Variants in ANKLE2 observed in about 807,000 individuals in gnomAD.
ANKLE2 encodes ankyrin repeat and LEM domain containing 2, also known as ankyrin repeat and LEM domain-containing protein 2.
ANKLE2 carries 55 observed loss-of-function variants against 84.2 expected under a neutral mutation model. The ratio of observed to expected loss-of-function variants is 0.65; its 90% CI spans 0.53 to 0.82. The LOEUF (loss-of-function observed/expected upper bound fraction) is 0.82. Among genes scored for constraint, ANKLE2 ranks in the 40% least tolerant of loss-of-function variants. ANKLE2 has a pLI of 0.00. For synonymous variants in ANKLE2, 551 were observed against 486.1 expected, an observed-to-expected ratio of 1.13 and a Z score of -1.76; for missense variants, 1,238 against 1,201.9, an observed-to-expected ratio of 1.03 and a Z score of -0.44.
chr12:132,728,000 T>C, intron 12 of ANKLE2, 32 bp downstream of exon 12: 3 of 1,574,400 alleles, frequency 1.9e-6, no homozygotes, highest in Non-Finnish European at 2.6e-6. Flanking sequence ...AAAGCTGCCC[T>C]GCGGGTGACA....
chr12:132,748,845 C>T (rs1237338646), intron 3 of ANKLE2: 5 of 152,612 alleles, frequency 3.3e-5, no homozygotes, highest in East Asian at 1.9e-4. Flanking sequence ...TATGCCAACA[C>T]GCCTGGCTTA....
Position 132,755,055 on chromosome 12 carries a change from G to A in ANKLE2, c.260C>T (p.Ala87Val), listed in dbSNP as rs746364153. The change falls in exon 2 of 13, where the codon GCC becomes GTC. Residue 87 changes from alanine (A) to valine (V), a missense_variant. By Grantham distance (64) the Ala-to-Val change is moderately conservative. Coordinates refer to ENST00000357997, the MANE Select transcript of ANKLE2 (RefSeq NM_015114.3). ...TGTAATGGGTCCACATTTCAATCCG[G>A]CTTTGACGATTTCTTCTCTAAGGTC... is the stretch of plus-strand genomic sequence containing the variant. ...PDDLREEIVK[A>V]GLKCGPITST... is the part of the protein sequence containing the mutation. 2 of 1,613,968 alleles carry A rather than the reference G, an allele frequency of 1.2e-6. No individual in the cohort carries two copies. The highest frequency in any genetic ancestry group is 2.2e-5 in the South Asian group (2 of 91,086).
At chr12:132,753,359 C>T (rs962687361) in intron 2 of ANKLE2, among the ~76,000 whole-genome samples, 15 of 151,812 alleles carry the variant, frequency 9.9e-5, no homozygotes, top group African/African-American at 3.6e-4. Flanking sequence ...ATTAGCTAGG[C>T]GTGCTGGTGT....
intron 7 of ANKLE2, among the ~76,000 whole-genome samples, chr12:132,739,600 T>C (rs886127885): frequency 1.3e-5 from 2 of 152,224 alleles, no homozygotes; most frequent in African/African-American, 4.8e-5. Context: ...ACAATTTCTG[T>C]CTACAGATGG....
intron 2 of ANKLE2, among the ~76,000 whole-genome samples, chr12:132,752,651 G>T (rs2044381238): frequency 6.6e-6 from 1 of 152,076 alleles, no homozygotes; most frequent in Non-Finnish European, 1.5e-5. Context: ...TTACAGGCGT[G>T]AGCCACCGCG....
Position 132,750,664 on chromosome 12 carries a change from A to G in ANKLE2, c.826T>C (p.Phe276Leu), listed in dbSNP as rs1362965956. The change falls in exon 3 of 13, where the codon TTT (phenylalanine) becomes CTT (leucine). Residue 276 changes from phenylalanine (F) to leucine (L), a missense_variant. Physicochemically the swap from Phe to Leu is conservative, Grantham distance 22. Coordinates refer to ENST00000357997, the MANE Select transcript of ANKLE2 (RefSeq NM_015114.3). ...PLSPVKTAPL[F>L]SNDRLKDGLC... ...TTACCTTTCAACCTGTCATTGCTAA[A>G]GAGTGGAGCTGTTTTCACAGGAGAC... is the stretch of plus-strand genomic sequence containing the variant. 1.2e-6 allele frequency: 2 copies of G among 1,614,108 alleles called. No individual in the cohort carries two copies. The highest frequency in any genetic ancestry group is 1.7e-6 in the Non-Finnish European group (2 of 1,180,046).
chr12:132,730,174 G>A lies in ANKLE2; in HGVS notation c.1988C>T (p.Pro663Leu), dbSNP rs754391934. The change falls in exon 11 of 13, where the codon CCG (proline) becomes CTG (leucine). Residue 663 changes from proline to leucine, a missense_variant. Pro to Leu is a moderately conservative substitution (Grantham distance 98, BLOSUM62 -3). This residue lies in a region of ANKLE2 where 802 missense variants were observed against 774.5 expected (regional missense o/e 1.04). Coordinates refer to ENST00000357997, the MANE Select transcript of ANKLE2 (RefSeq NM_015114.3). ...NRQNAARNNS[P>L]PTVGAFGHTR... The stretch of plus-strand genomic sequence containing the variant: ...ATGTCCAAAAGCACCGACTGTGGGC[G>A]GGCTGTTATTTCGAGCTGCATTTTG... 19 of 1,608,504 alleles carry A rather than the reference G, an allele frequency of 1.2e-5. No homozygotes were observed. The highest frequency in any genetic ancestry group is 2.2e-5 in the South Asian group (2 of 90,994).
intron 1 of ANKLE2, chr12:132,757,871 C>T (rs2044519082): frequency 6.6e-6 from 1 of 151,024 alleles, no homozygotes; most frequent in Non-Finnish European, 1.5e-5. Flanking sequence ...GTGGTTCCAA[C>T]TACTTGGGGG....
At chr12:132,741,100 T>G (rs759797864) in intron 7 of ANKLE2, among the ~76,000 whole-genome samples, 4 of 152,144 alleles carry the variant, frequency 2.6e-5, no homozygotes, top group Non-Finnish European at 1.5e-5. Flanking sequence ...GCCATCACAA[T>G]GAAGCTACTG....
chr12:132,727,922 C>T, intron 12 of ANKLE2, 110 bp downstream of exon 12: 1 of 1,430,286 alleles, frequency 7.0e-7, no homozygotes, highest in Non-Finnish European at 9.4e-7. Flanking sequence ...GCTGACGGGC[C>T]TGCCAGCGTT....
Position 132,743,192 on chromosome 12 carries a change from T to C in ANKLE2, c.1315A>G (p.Lys439Glu). ...TTATCATATTTATTCCTTGAGTTTT[T>C]TACAATCAAATGGTGTGACGAAAGC... The part of the protein sequence containing the change: ...NVLSSHHLIV[K>E]NSRNKYDKTP... Residue 439 changes from lysine to glutamate, a missense_variant, in exon 6 of 13, where the codon AAA becomes GAA. By Grantham distance (56) the Lys-to-Glu change is moderately conservative. Coordinates refer to ENST00000357997, the MANE Select transcript of ANKLE2 (RefSeq NM_015114.3). This position sits in a 1 kb window ranked among gnomAD's most constrained non-coding sequence, Gnocchi z 4.1. The C allele has an allele frequency of 6.2e-7, 1 of 1,611,618 alleles. No homozygotes were observed. The highest frequency in any genetic ancestry group is 8.5e-7 in the Non-Finnish European group (1 of 1,178,784).
In ANKLE2 at chr12:132,743,946, CAAA is replaced by C. The variant is rs750240699; in HGVS notation, c.1231-673_1231-671del. On this transcript the variant is annotated intron_variant, in intron 5 of 12. Coordinates refer to ENST00000357997, the MANE Select transcript of ANKLE2 (RefSeq NM_015114.3). The surrounding 1 kb of genome is among the most constrained non-coding windows in gnomAD (Gnocchi z 4.1). ...AAAGCGCACGAATTTGGTCTGTACT[CAAA>C]GAAGTCTCTGCGGCCTGTGACACCA... 2.0e-5 allele frequency among the ~76,000 whole-genome samples: 3 copies of C among 152,194 alleles called. No homozygotes were observed. The highest frequency in any genetic ancestry group is 4.4e-5 in the Non-Finnish European group (3 of 68,030).
chr12:132,742,943 T>C (rs1406961438), intron 6 of ANKLE2, among the ~76,000 whole-genome samples: 1 of 152,056 alleles, frequency 6.6e-6, no homozygotes, highest in East Asian at 1.9e-4. Flanking sequence ...ATCAGCAAAC[T>C]GCGTCAGTTC....
intron 5 of ANKLE2, among the ~76,000 whole-genome samples, chr12:132,745,896 G>A (rs537077948): frequency 2.0e-4 from 30 of 152,376 alleles, no homozygotes; most frequent in Admixed American, 7.2e-4. Context: ...ACAAGGAGAC[G>A]TGGCTACCGC....
chr12:132,733,106 C>G (rs1415773728), intron 10 of ANKLE2, among the ~76,000 whole-genome samples: 56 of 123,986 alleles, frequency 4.5e-4, no homozygotes, highest in South Asian at 1.1e-3. Flanking sequence ...CTCTCTGCGT[C>G]CTGGTGTCTG....
At chr12:132,732,548 C>A (rs2043891223) in intron 10 of ANKLE2, among the ~76,000 whole-genome samples, 1 of 139,798 alleles carries the variant, frequency 7.2e-6, no homozygotes, top group Non-Finnish European at 1.6e-5. Flanking sequence ...ATGCTGGTGT[C>A]TGATATGCAC....
chr12:132,729,740 G>C lies in ANKLE2; in HGVS notation c.2422C>G (p.Pro808Ala), dbSNP rs761024797. 6 of 1,611,182 alleles carry C rather than the reference G, an allele frequency of 3.7e-6. No individual in the cohort carries two copies. The highest frequency in any genetic ancestry group is 5.1e-6 in the Non-Finnish European group (6 of 1,179,476). Residue 808 changes from proline (P) to alanine (A), a missense_variant, in exon 11 of 13, where the codon CCC (proline) becomes GCC (alanine). This residue lies in a region of ANKLE2 where 802 missense variants were observed against 774.5 expected (regional missense o/e 1.04). Coordinates refer to ENST00000357997, the MANE Select transcript of ANKLE2 (RefSeq NM_015114.3). ...ACCTCGAGCTGATCCTCGTGCCTGG[G>C]GCTGCTGGGACTCAAGGACATTTTA... ...IAKMSLSPSS[P>A]RHEDQLEVTR...
At chr12:132,751,958 C>A (rs984525841) in intron 2 of ANKLE2, among the ~76,000 whole-genome samples, 2 of 152,118 alleles carry the variant, frequency 1.3e-5, no homozygotes, top group South Asian at 4.2e-4. Context: ...ATGAGACTAT[C>A]GTAAATACAT....
chr12:132,735,245 C>G, intron 9 of ANKLE2, 161 bp downstream of exon 9: 1 of 679,716 alleles, frequency 1.5e-6, no homozygotes, highest in Non-Finnish European at 2.6e-6. Flanking sequence ...AGCTAGAATT[C>G]CACAACATCC....
Sources: gnomAD v4.1 joint callset for allele counts (sites outside exome capture counted in the v4.1 genomes callset) on GRCh38, gnomAD v4.1.1 for gene constraint, gnomAD v4.1.1 regional missense constraint, Gnocchi (gnomAD v3.1) non-coding constraint, MANE v1.5 for transcripts, NCBI Gene and HGNC (gene_info 2026-07-23, HGNC 2026-07-21) for gene names.